CTTN: variants seen among roughly 807,000 people sequenced by gnomAD.
The protein encoded by CTTN is cortactin.
Under a neutral mutation model 84.0 loss-of-function variants are expected in CTTN, and 28 were observed. The ratio of observed to expected loss-of-function variants is 0.33; its 90% CI spans 0.25 to 0.46. The LOEUF is 0.46. Among genes scored for constraint, CTTN ranks in the 20% least tolerant of loss-of-function variants. The pLI is 1.00. For missense variants in CTTN, 641 were observed against 723.8 expected (o/e 0.89, Z 1.31); for synonymous variants, 301 against 288.8 (o/e 1.04, Z -0.43).
chr11:70,414,510 G>A, intron 5 of CTTN, 32 bp from the exon 6 acceptor site: 2 of 1,522,692 alleles, frequency 1.3e-6, no homozygotes, highest in South Asian at 2.2e-5. Flanking sequence ...TGTTGTTGGT[G>A]TCTAATGCTT....
Position 70,436,270 on chromosome 11 carries a change from C to T in CTTN, c.*1108C>T. 2 of 1,597,480 alleles carry T rather than the reference C, an allele frequency of 1.3e-6. No homozygotes were observed. The highest frequency in any genetic ancestry group is 1.7e-6 in the Non-Finnish European group (2 of 1,179,444). ...ACCGCTGTCCTGGCATTTGTGGCCA[C>T]TCACTTTGTAGGAAACTCATCTCCT... On this transcript the variant is annotated 3_prime_UTR_variant, in exon 18 of 18. Coordinates refer to ENST00000301843, the MANE Select transcript of CTTN (RefSeq NM_005231.4).
At position 70,429,042 on chromosome 11, in the gene CTTN, C is replaced by A. The variant is rs371694605; in HGVS notation, c.1028-9C>A. On this transcript the variant is annotated splice_polypyrimidine_tract_variant and intron_variant, in intron 13 of 17. Transcript: ENST00000301843. ...CTCAAGGCACACGTCCTCCCTCCTT[C>A]CTCTATAGTGACCAGCAAAACAAGT... The A allele has an allele frequency of 6.2e-7, 1 of 1,614,160 alleles. No homozygotes were observed. The highest frequency in any genetic ancestry group is 2.2e-5 in the East Asian group (1 of 44,882).
At chr11:70,414,425 AAT>A in intron 5 of CTTN, 115 bp from the exon 6 acceptor site, 2 of 673,908 alleles carry the variant, frequency 3.0e-6, no homozygotes, top group South Asian at 3.8e-5. Context: ...TGGGTGTGTT[AAT>A]GTAAGGTTTC....
intron 2 of CTTN, 29 bp from the exon 3 acceptor site, chr11:70,407,269 T>C (rs927790058): frequency 5.2e-5 from 81 of 1,546,560 alleles, no homozygotes; most frequent in Non-Finnish European, 6.7e-5. Context: ...CCCTGAGGCC[T>C]CCGTAACCCT....
At chr11:70,427,571 C>G (rs1341621617) in intron 13 of CTTN, among the ~76,000 whole-genome samples, 1 of 152,234 alleles carries the variant, frequency 6.6e-6, no homozygotes, top group East Asian at 1.9e-4. Context: ...GTGTTTGTAA[C>G]CTTGAGGGCA....
At position 70,435,772 on chromosome 11, in the gene CTTN, T is replaced by C; in HGVS notation, c.*610T>C. On this transcript the variant is annotated 3_prime_UTR_variant, in exon 18 of 18. Transcript: ENST00000301843. Reference sequence around the variant, plus strand: ...GACTTCTAGCAGAGACCCTGGTTTTTTTCCTGTGCCCACTCCGGCTTGTCC... The same window carrying C: ...GACTTCTAGCAGAGACCCTGGTTTTCTTCCTGTGCCCACTCCGGCTTGTCC... The C allele has an allele frequency of 6.3e-7, 1 of 1,594,324 alleles. No individual in the cohort carries two copies. Among genetic ancestry groups the C allele is most frequent in the Non-Finnish European group, 8.5e-7 (1 of 1,178,456 alleles).
At chr11:70,422,893 T>C (rs753662420) in intron 11 of CTTN, 47 bp from the exon 12 acceptor site, 41 of 1,613,516 alleles carry the variant, frequency 2.5e-5, no homozygotes, top group Non-Finnish European at 3.5e-5. Context: ...GCCACCCCCA[T>C]GCTCGCCTCC....
chr11:70,432,233 C>G (rs1377284391), intron 15 of CTTN, among the ~76,000 whole-genome samples: 2 of 152,224 alleles, frequency 1.3e-5, no homozygotes, highest in South Asian at 2.1e-4. Context: ...GCCTCCCCCT[C>G]TAGTCCCTCC....
chr11:70,421,013 C>G (rs1378100611), intron 10 of CTTN, among the ~76,000 whole-genome samples: 1 of 152,220 alleles, frequency 6.6e-6, no homozygotes. Flanking sequence ...ATGGGTGCCC[C>G]TTCCCTGGAA....
rs745777472 is a variant in CTTN at position 70,433,177 on chromosome 11, T to C, written c.1343T>C (p.Met448Thr). Reference protein sequence around the residue: ...SGTEPEPVYSMEAADYREASS... With the variant: ...SGTEPEPVYSTEAADYREASS... ...ACGGAGCCGGAGCCCGTGTACAGCA[T>C]GGAGGCCGCTGACTACCGAGAGGCC... Residue 448 changes from methionine to threonine, a missense_variant, in exon 16 of 18, where the codon ATG (methionine) becomes ACG (threonine). By Grantham distance (81) the Met-to-Thr change is moderately conservative. This residue lies in a region of CTTN where 289 missense variants were observed against 273.1 expected (regional missense o/e 1.06). Transcript: ENST00000301843. The C allele has an allele frequency of 3.1e-6, 5 of 1,613,498 alleles. No individual in the cohort carries two copies. Among genetic ancestry groups the C allele is most frequent in the East Asian group, 4.5e-5 (2 of 44,866 alleles).
Position 70,436,335 on chromosome 11 carries a change from G to T in CTTN, c.*1173G>T, listed in dbSNP as rs746268916. 3 of 1,598,322 alleles carry T rather than the reference G, an allele frequency of 1.9e-6. No individual in the cohort carries two copies. Among genetic ancestry groups the T allele is most frequent in the East Asian group, 2.2e-5 (1 of 44,874 alleles). The stretch of plus-strand genomic sequence containing the variant: ...GAGGCTGGACCAGTCCCGTCGTGCA[G>T]TCAGGTGGGCGGTGTGTCTTTCCAG... On this transcript the variant is annotated 3_prime_UTR_variant, in exon 18 of 18. Coordinates refer to ENST00000301843, the MANE Select transcript of CTTN (RefSeq NM_005231.4).
chr11:70,435,909 G>A lies in CTTN; in HGVS notation c.*747G>A. On this transcript the variant is annotated 3_prime_UTR_variant, in exon 18 of 18. Coordinates refer to ENST00000301843, the MANE Select transcript of CTTN (RefSeq NM_005231.4). ...CTTGAAATCCTCCCCTGCCCCGCGG[G>A]TCTCTGGATTGGGACGCACAGTGCA... The A allele has an allele frequency of 6.8e-7, 1 of 1,470,522 alleles. No homozygotes were observed. The highest frequency in any genetic ancestry group is 8.9e-7 in the Non-Finnish European group (1 of 1,121,088). The allele number at this position is 1,470,522 out of a possible 1,614,324, so 91.1% of individuals were successfully genotyped here. A position where few individuals can be genotyped will look rare whatever the true frequency, so the allele number is the denominator to read the frequency against.
chr11:70,426,791 G>A (rs1158034676), intron 13 of CTTN, among the ~76,000 whole-genome samples: 2 of 151,696 alleles, frequency 1.3e-5, no homozygotes, highest in Non-Finnish European at 2.9e-5. Context: ...TAGTAGAGAC[G>A]GGGTTTCACC....
chr11:70,425,400 TGGTGA>T lies in CTTN; in HGVS notation c.1027+1_1027+5del, dbSNP rs1403391567. On this transcript the variant is annotated splice_donor_variant and splice_donor_region_variant and coding_sequence_variant and intron_variant, in exon 13 of 18. Transcript: ENST00000301843. LOFTEE classifies it high-confidence loss of function. The stretch of plus-strand genomic sequence containing the variant: ...ACCAGAAGACAGTACCTGTCGAAGC[TGGTGA>T]GTCCCGGCTGATACCAGGAGCACCG... The T allele has an allele frequency of 6.2e-7, 1 of 1,610,226 alleles. No homozygotes were observed. The highest frequency in any genetic ancestry group is 8.5e-7 in the Non-Finnish European group (1 of 1,178,052).
In CTTN at chr11:70,435,529, C is replaced by A; in HGVS notation, c.*367C>A. 1 of 1,563,634 alleles carries A rather than the reference C, an allele frequency of 6.4e-7. No homozygotes were observed. The highest frequency in any genetic ancestry group is 2.3e-5 in the East Asian group (1 of 43,100). ...TCGTGCCCATCAAGTGCAGTCGGGA[C>A]CTCCCAGGACAAGCACGAGGCCTCA... On this transcript the variant is annotated 3_prime_UTR_variant, in exon 18 of 18. Coordinates refer to ENST00000301843, the MANE Select transcript of CTTN (RefSeq NM_005231.4).
chr11:70,410,044 C>G, intron 5 of CTTN, 84 bp downstream of exon 5: 9 of 1,477,412 alleles, frequency 6.1e-6, no homozygotes, highest in Non-Finnish European at 7.5e-6. Context: ...CTCAGTCTTT[C>G]CTTAGATCAG....
chr11:70,424,369 C>T (rs935759792), intron 12 of CTTN, among the ~76,000 whole-genome samples: 1 of 152,012 alleles, frequency 6.6e-6, no homozygotes, highest in African/African-American at 2.4e-5. Flanking sequence ...CGTGAGGAGG[C>T]AGTGTGTGGG....
chr11:70,409,214 G>A (rs2058074571), intron 4 of CTTN, among the ~76,000 whole-genome samples: 1 of 152,048 alleles, frequency 6.6e-6, no homozygotes, highest in African/African-American at 2.4e-5. Context: ...GAATGCCAAA[G>A]TGGCCTTCTT....
intron 1 of CTTN, among the ~76,000 whole-genome samples, chr11:70,399,111 G>C (rs2057945114): frequency 6.7e-6 from 1 of 149,452 alleles, no homozygotes; most frequent in Non-Finnish European, 1.5e-5. Flanking sequence ...AGGGGGCCGG[G>C]GTTCGAGGGG....
Sources: allele counts gnomAD v4.1 joint callset (sites outside exome capture counted in the v4.1 genomes callset), GRCh38; gene constraint gnomAD v4.1.1; regional missense constraint gnomAD v4.1.1; transcripts MANE v1.5; gene names NCBI Gene and HGNC (gene_info 2026-07-23, HGNC 2026-07-21).